The following DNAH1 variants were observed in gnomAD, a reference collection of about 807,000 sequenced individuals.
The protein encoded by DNAH1 is axonemal beta dynein heavy chain 1.
A neutral mutation model predicts 484.3 loss-of-function variants in DNAH1; 327 were observed. That is an observed-to-expected ratio of 0.68 (90% CI 0.62 to 0.74). The LOEUF (loss-of-function observed/expected upper bound fraction) is 0.74, where lower values mean the gene tolerates loss of function less well. Among genes scored for constraint, DNAH1 ranks in the 30% least tolerant of loss-of-function variants. The probability of loss-of-function intolerance (pLI) is 0.00; values close to 1 mark genes in which losing one functional copy is unlikely to be tolerated. For missense variants in DNAH1, 5,052 were observed against 5,546.8 expected (o/e 0.91, Z 2.83); for synonymous variants, 2,192 against 2,191.9 (o/e 1.00, Z 0.00).
At chr3:52,322,302 G>A (rs1010616048) in intron 1 of DNAH1, 107 bp from the exon 2 acceptor site, 3 of 703,128 alleles carry the variant, frequency 4.3e-6, no homozygotes, top group African/African-American at 1.8e-5. Context: ...TGTTACCCAT[G>A]GGTCATGGGC....
chr3:52,355,016 G>A lies in DNAH1; in HGVS notation c.3654G>A (p.Gln1218=), dbSNP rs1702551369. The A allele has an allele frequency of 2.5e-6, 4 of 1,613,792 alleles. No individual in the cohort carries two copies. The highest frequency in any genetic ancestry group is 1.3e-5 in the African/African-American group (1 of 74,920). The change falls in exon 21 of 78, where the codon CAG becomes CAA. Residue 1218 remains glutamine, a synonymous_variant. Transcript: ENST00000420323. The surrounding 1 kb of genome is among the most constrained non-coding windows in gnomAD (Gnocchi z 4.5). Reference sequence around the variant, plus strand: ...CACCCTACAAGAAGCCCTTTGAGCAGCGCATCAACTCCTGGGAGAACAAAC... The same window carrying A: ...CACCCTACAAGAAGCCCTTTGAGCAACGCATCAACTCCTGGGAGAACAAAC... ...SFSPYKKPFE[Q]RINSWENKLK... is the part of the protein sequence containing the mutation.
rs1387942407 is a variant in DNAH1 at position 52,355,719 on chromosome 3, G to T, written c.3693+664G>T. ...GGACCACCCAGAGATGCCTGAGCTG[G>T]TCAGCACTATCCCCAGTCCCCCTCT... On this transcript the variant is annotated intron_variant, in intron 21 of 77. Coordinates refer to ENST00000420323, the MANE Select transcript of DNAH1 (RefSeq NM_015512.5). This position sits in a 1 kb window ranked among gnomAD's most constrained non-coding sequence, Gnocchi z 4.5. 1.3e-5 allele frequency among the ~76,000 whole-genome samples: 2 copies of T among 152,252 alleles called. No individual in the cohort carries two copies. Among genetic ancestry groups the T allele is most frequent in the Non-Finnish European group, 2.9e-5 (2 of 68,038 alleles).
At chr3:52,333,545 G>A (rs2153223312) in intron 8 of DNAH1, among the ~76,000 whole-genome samples, 1 of 152,100 alleles carries the variant, frequency 6.6e-6, no homozygotes, top group South Asian at 2.1e-4. Context: ...CCGCCACTAT[G>A]CCTGGCTAAT....
chr3:52,361,779 G>A lies in DNAH1; in HGVS notation c.4980+13G>A, dbSNP rs762194969. The A allele has an allele frequency of 2.3e-5, 37 of 1,589,944 alleles. No individual in the cohort carries two copies. Among genetic ancestry groups the A allele is most frequent in the South Asian group, 3.4e-5 (3 of 87,466 alleles). ...GCAGCAGCAGCGGGTGAGCCCGGGG[G>A]ACCCACCTTACTCCCTCAGATCTGC... is the stretch of plus-strand genomic sequence containing the variant. On this transcript the variant is annotated intron_variant, in intron 30 of 77. Coordinates refer to ENST00000420323, the MANE Select transcript of DNAH1 (RefSeq NM_015512.5). The surrounding 1 kb of genome is among the most constrained non-coding windows in gnomAD (Gnocchi z 5.6).
chr3:52,370,581 C>T lies in DNAH1; in HGVS notation c.6363C>T (p.Ser2121=), dbSNP rs751864101. The T allele has an allele frequency of 1.2e-6, 2 of 1,613,306 alleles. No homozygotes were observed. Among genetic ancestry groups the T allele is most frequent in the East Asian group, 2.2e-5 (1 of 44,888 alleles). ...LIWSVGATGD[S]SGRTSFSHWL... is the part of the protein sequence containing the mutation. ...GGAGCGTGGGTGCCACTGGGGACAG[C>T]AGTGGCCGCACCAGTTTCAGCCACT... The change falls in exon 40 of 78, where the codon AGC becomes AGT. Residue 2121 remains serine (S), a synonymous_variant. Coordinates refer to ENST00000420323, the MANE Select transcript of DNAH1 (RefSeq NM_015512.5).
rs1294199383 is a variant in DNAH1, at chr3:52,353,086, C to T, written c.3028-17C>T. On this transcript the variant is annotated splice_polypyrimidine_tract_variant and intron_variant, in intron 18 of 77. Transcript: ENST00000420323. This position sits in a 1 kb window ranked among gnomAD's most constrained non-coding sequence, Gnocchi z 5.0. ...GTGTCCCAAGACAGCCCCAGCCCTGCCCTCCTGTCCCTGCAGTATGACAAG... is the reference window on the plus strand; with the variant it reads ...GTGTCCCAAGACAGCCCCAGCCCTGTCCTCCTGTCCCTGCAGTATGACAAG... The T allele has an allele frequency of 1.2e-6, 2 of 1,604,308 alleles. No individual in the cohort carries two copies. Among genetic ancestry groups the T allele is most frequent in the East Asian group, 4.5e-5 (2 of 44,744 alleles).
At chr3:52,359,806 G>T in intron 26 of DNAH1, 110 bp from the exon 27 acceptor site, 1 of 1,418,546 alleles carries the variant, frequency 7.0e-7, no homozygotes, top group Non-Finnish European at 9.7e-7. Flanking sequence ...GACCATCAGA[G>T]ACCCCCAGGA....
chr3:52,349,454 A>G, intron 14 of DNAH1, 34 bp downstream of exon 14: 1 of 1,582,318 alleles, frequency 6.3e-7, no homozygotes, highest in South Asian at 1.1e-5. Context: ...CAGTGACCAC[A>G]GCAGCACACA....
At chr3:52,347,644 C>G (rs889273557) in intron 11 of DNAH1, among the ~76,000 whole-genome samples, 180 bp from the exon 12 acceptor site, 4 of 152,172 alleles carry the variant, frequency 2.6e-5, no homozygotes, top group African/African-American at 7.2e-5. Flanking sequence ...GCAGAGGAAC[C>G]TGTTTGGTTG....
In DNAH1 at chr3:52,323,806, A is replaced by G; in HGVS notation, c.334-2A>G. On this transcript the variant is annotated splice_acceptor_variant, in intron 2 of 77. Transcript: ENST00000420323. LOFTEE classifies it high-confidence loss of function. ...ACTCAGGGCTCCATGGTTTGGTTTC[A>G]GGAGGTATGTCGTGGCCCCCGAATG... 6.3e-7 allele frequency: 1 copy of G among 1,589,154 alleles called. No homozygotes were observed.
intron 8 of DNAH1, among the ~76,000 whole-genome samples, chr3:52,344,224 C>T (rs1702055248): frequency 6.6e-6 from 1 of 152,092 alleles, no homozygotes; most frequent in Non-Finnish European, 1.5e-5. Flanking sequence ...GCTCTGGGGC[C>T]TGCCTTGGCT....
At position 52,357,851 on chromosome 3, in the gene DNAH1, C is replaced by T. The variant is rs887068795; in HGVS notation, c.3981-47C>T. On this transcript the variant is annotated intron_variant, in intron 23 of 77. Coordinates refer to ENST00000420323, the MANE Select transcript of DNAH1 (RefSeq NM_015512.5). ...TCAGCAGGACTGGGGCAGCTGGGGC[C>T]CAGGGAGCCTGCACGACCCGCTTCC... 1.0e-5 allele frequency: 16 copies of T among 1,592,168 alleles called. No individual in the cohort carries two copies. The East Asian group carries it at 3.2e-4, about 32-fold the overall frequency.
At chr3:52,391,383 C>G in intron 62 of DNAH1, 55 bp downstream of exon 62, 1 of 1,590,048 alleles carries the variant, frequency 6.3e-7, no homozygotes, top group South Asian at 1.1e-5. Flanking sequence ...GGGCAGTCCC[C>G]TTCCCCTGCC....
chr3:52,384,142 G>T lies in DNAH1; in HGVS notation c.8322+111G>T, dbSNP rs146542080. The T allele has an allele frequency of 9.2e-6, 11 of 1,194,036 alleles. No homozygotes were observed. In the African/African-American group the frequency reaches 1.7e-4, roughly 18 times the overall value. The allele number at this position is 1,194,036 out of a possible 1,614,324, so 74.0% of individuals were successfully genotyped here. ...TTCCCAGGCCCACCACCGAGGGTAA[G>T]CTTTTGGTCAGGCTGTGTTTCCTGT... On this transcript the variant is annotated intron_variant, in intron 52 of 77. Transcript: ENST00000420323.
chr3:52,385,562 GC>G, intron 54 of DNAH1, 115 bp downstream of exon 54: 2 of 791,826 alleles, frequency 2.5e-6, no homozygotes, highest in Non-Finnish European at 4.1e-6. Context: ...GCCTCCGTGT[GC>G]CCCAGCTTCC....
intron 5 of DNAH1, 71 bp downstream of exon 5, chr3:52,326,962 T>A: frequency 6.6e-7 from 1 of 1,517,374 alleles, no homozygotes; most frequent in Non-Finnish European, 8.9e-7. Context: ...CGCTCAGGAG[T>A]CAGATCTGAA....
Position 52,395,109 on chromosome 3 carries a change from C to A in DNAH1, c.10968+50C>A. The stretch of plus-strand genomic sequence containing the variant: ...CTGGCACCTTGAGCTTGTCCCCACC[C>A]TGGGTCCCAGGGCCCTGGCTGCATC... On this transcript the variant is annotated intron_variant, in intron 68 of 77. Transcript: ENST00000420323. The surrounding 1 kb of genome is among the most constrained non-coding windows in gnomAD (Gnocchi z 4.4). The A allele has an allele frequency of 6.4e-7, 1 of 1,573,140 alleles. No homozygotes were observed. Among genetic ancestry groups the A allele is most frequent in the South Asian group, 1.2e-5 (1 of 85,578 alleles).
intron 8 of DNAH1, among the ~76,000 whole-genome samples, chr3:52,340,635 A>T (rs1215797247): frequency 1.3e-5 from 2 of 148,840 alleles, no homozygotes; most frequent in African/African-American, 5.0e-5. Context: ...GGGCTTCACC[A>T]TGTTGGCCAG....
chr3:52,330,953 G>C (rs1292246656), intron 6 of DNAH1, among the ~76,000 whole-genome samples, 195 bp from the exon 7 acceptor site: 2 of 152,198 alleles, frequency 1.3e-5, no homozygotes, highest in Non-Finnish European at 2.9e-5. Flanking sequence ...TCTGCAGCAC[G>C]GGGTTCCTCA....
Sources: gnomAD v4.1 joint callset for allele counts (sites outside exome capture counted in the v4.1 genomes callset) on GRCh38, gnomAD v4.1.1 for gene constraint, Gnocchi (gnomAD v3.1) non-coding constraint, MANE v1.5 for transcripts, NCBI Gene and HGNC (gene_info 2026-07-23, HGNC 2026-07-21) for gene names.